The following KAZN variants were observed in gnomAD, a reference collection of about 807,000 sequenced individuals.
The protein encoded by KAZN is kazrin, periplakin interacting protein.
Under a neutral mutation model 87.4 loss-of-function variants are expected in KAZN, and 40 were observed. That is an observed-to-expected ratio of 0.46 (90% CI 0.36 to 0.60). The LOEUF (loss-of-function observed/expected upper bound fraction) is 0.60, where lower values mean the gene tolerates loss of function less well. Ranked by LOEUF, KAZN falls within the 20% of genes least tolerant of loss-of-function variation. KAZN has a pLI of 0.00. For synonymous variants in KAZN, 466 were observed against 458.3 expected (o/e 1.02, Z -0.22); for missense variants, 898 against 1,073.9 (o/e 0.84, Z 2.29).
chr1:14,519,433 C>T (rs1232671722), intron 2 of KAZN, among the ~76,000 whole-genome samples: 1 of 152,160 alleles, frequency 6.6e-6, no homozygotes, highest in African/African-American at 2.4e-5. Context: ...GAGCAGCATA[C>T]ATGTCAGGGA....
At chr1:14,880,164 T>C (rs916846251) in intron 1 of KAZN, among the ~76,000 whole-genome samples, 8 of 152,062 alleles carry the variant, frequency 5.3e-5, no homozygotes, top group African/African-American at 1.9e-4. Context: ...AGCTGCCCCA[T>C]CAAATTCTGA....
chr1:14,697,330 C>CA lies in KAZN; in HGVS notation c.226+98115dup, dbSNP rs577033774. Among the ~76,000 whole-genome samples, 30 of 149,794 alleles carry CA rather than the reference C, an allele frequency of 2.0e-4. No homozygotes were observed. In the East Asian group the frequency reaches 3.7e-3, roughly 19 times the overall value. On this transcript the variant is annotated intron_variant, in intron 1 of 14. Coordinates refer to ENST00000376030, the MANE Select transcript of KAZN (RefSeq NM_201628.3). The stretch of plus-strand genomic sequence containing the variant: ...GGGCAACACAGCAAGAACCTGTCTC[C>CA]AAAAAAAATAAAAAATAAAAATAAA...
At position 14,883,318 on chromosome 1, in the gene KAZN, A is replaced by AAGAGAGAGAG. The variant is rs1219653139; in HGVS notation, c.227-77350_227-77341dup. ...CTCAAAAGAAAGAAAGAAAGAAAGA[A>AAGAGAGAGAG]AGAGAGAGAGAGAGAGAGAGAGAGA... On this transcript the variant is annotated intron_variant, in intron 1 of 14. Transcript: ENST00000376030. Among the ~76,000 whole-genome samples, 13 of 38,548 alleles carry AAGAGAGAGAG rather than the reference A, an allele frequency of 3.4e-4. 2 individuals carry two copies. The highest frequency in any genetic ancestry group is 6.2e-4 in the African/African-American group (8 of 13,004). The allele number at this position is 38,548 out of a possible 152,430, so 25.3% of individuals were successfully genotyped here. A position where few individuals can be genotyped will look rare whatever the true frequency, so the allele number is the denominator to read the frequency against.
intron 2 of KAZN, among the ~76,000 whole-genome samples, chr1:15,030,947 G>A (rs997355896): frequency 2.6e-5 from 4 of 152,252 alleles, no homozygotes; most frequent in Admixed American, 6.5e-5. Flanking sequence ...ACATGGCCCA[G>A]CTGGCCTGCC....
intron 2 of KAZN, among the ~76,000 whole-genome samples, chr1:14,281,586 A>T (rs1024622721): frequency 6.6e-6 from 1 of 152,154 alleles, no homozygotes; most frequent in Non-Finnish European, 1.5e-5. Context: ...GAAACAGAAC[A>T]TTCTAGAAGG....
intron 2 of KAZN, among the ~76,000 whole-genome samples, chr1:15,026,864 A>T (rs1274046056): frequency 6.6e-6 from 1 of 152,156 alleles, no homozygotes; most frequent in Non-Finnish European, 1.5e-5. Context: ...TTTAGAGATG[A>T]TTTACAGTAC....
At chr1:13,896,393 G>A (rs1290458459) in intron 1 of KAZN, among the ~76,000 whole-genome samples, 7 of 152,226 alleles carry the variant, frequency 4.6e-5, no homozygotes, top group Admixed American at 3.9e-4. Context: ...AGGCTCAAGC[G>A]ATCCTCCCAT....
chr1:14,482,671 G>A (rs747899550), intron 2 of KAZN, among the ~76,000 whole-genome samples: 182 of 152,128 alleles, frequency 1.2e-3, no homozygotes, highest in Non-Finnish European at 2.3e-3. Flanking sequence ...GGGCAAGGGC[G>A]GGTGAGGGGT....
At chr1:14,014,430 T>C (rs1640469500) in intron 1 of KAZN, among the ~76,000 whole-genome samples, 1 of 151,992 alleles carries the variant, frequency 6.6e-6, no homozygotes, top group African/African-American at 2.4e-5. Flanking sequence ...AAGGAGAGGA[T>C]GCCTGGATAC....
chr1:14,953,250 C>T (rs1365452875), intron 1 of KAZN, among the ~76,000 whole-genome samples: 2 of 152,254 alleles, frequency 1.3e-5, no homozygotes, highest in African/African-American at 4.8e-5. Flanking sequence ...CTGACTCACT[C>T]ATACCCTGCT....
intron 2 of KAZN, among the ~76,000 whole-genome samples, chr1:14,569,717 G>A (rs1009722403): frequency 6.6e-6 from 1 of 152,082 alleles, no homozygotes; most frequent in Non-Finnish European, 1.5e-5. Flanking sequence ...TTAACACCTG[G>A]AAACCTCTCA....
intron 1 of KAZN, among the ~76,000 whole-genome samples, chr1:14,644,334 C>A (rs1302670565): frequency 6.7e-6 from 1 of 150,298 alleles, no homozygotes; most frequent in Non-Finnish European, 1.5e-5. Flanking sequence ...ATAGAATTGT[C>A]TGTTTTTCTC....
At chr1:14,878,021 C>T (rs539504136) in intron 1 of KAZN, among the ~76,000 whole-genome samples, 18 of 152,144 alleles carry the variant, frequency 1.2e-4, no homozygotes, top group African/African-American at 2.7e-4. Flanking sequence ...AGTGGAAAGA[C>T]GAGAAGGCTT....
intron 1 of KAZN, among the ~76,000 whole-genome samples, chr1:13,995,179 T>C (rs1639450651): frequency 6.7e-6 from 1 of 150,268 alleles, no homozygotes; most frequent in South Asian, 2.1e-4. Context: ...AGGATTTCTC[T>C]TATCATTACT....
chr1:14,251,558 G>C (rs752135319), intron 2 of KAZN, among the ~76,000 whole-genome samples: 1 of 151,446 alleles, frequency 6.6e-6, no homozygotes, highest in Non-Finnish European at 1.5e-5. Context: ...GTTTCCTTCA[G>C]CTGCCATCTG....
chr1:14,088,981 C>T (rs1419298306), intron 1 of KAZN, among the ~76,000 whole-genome samples: 3 of 146,820 alleles, frequency 2.0e-5, no homozygotes, highest in Non-Finnish European at 4.5e-5. Context: ...TTAGTGGTTG[C>T]ATGCCTTACC....
At chr1:14,697,097 A>T (rs943308535) in intron 1 of KAZN, among the ~76,000 whole-genome samples, 3 of 150,456 alleles carry the variant, frequency 2.0e-5, no homozygotes, top group Non-Finnish European at 4.4e-5. Flanking sequence ...TTTTAGACCA[A>T]CCTGGGCAAC....
chr1:14,583,635 C>G (rs1378969208), intron 2 of KAZN, among the ~76,000 whole-genome samples: 1 of 152,106 alleles, frequency 6.6e-6, no homozygotes, highest in African/African-American at 2.4e-5. Context: ...TGAGGCAGGC[C>G]CCTGCTCTTG....
intron 1 of KAZN, among the ~76,000 whole-genome samples, chr1:14,628,623 C>T (rs1679323032): frequency 6.6e-6 from 1 of 152,112 alleles, no homozygotes; most frequent in Admixed American, 6.5e-5. Flanking sequence ...TGGAGAATGC[C>T]GGGCCAGATA....
Sources: allele counts gnomAD v4.1 joint callset (sites outside exome capture counted in the v4.1 genomes callset), GRCh38; gene constraint gnomAD v4.1.1; transcripts MANE v1.5; gene names NCBI Gene and HGNC (gene_info 2026-07-23, HGNC 2026-07-21).